Variants in DAB1 observed in about 807,000 individuals in gnomAD.
The protein encoded by DAB1 is disabled homolog 1.
Under a neutral mutation model 64.6 loss-of-function variants are expected in DAB1, and 15 were observed. That is an observed-to-expected ratio of 0.23 (90% CI 0.16 to 0.36). DAB1 has a LOEUF of 0.36. DAB1 is among the 10% of genes least tolerant of loss of function. The pLI is 1.00. For synonymous variants in DAB1, 235 were observed against 251.9 expected, an observed-to-expected ratio of 0.93 and a Z score of 0.64; for missense variants, 596 against 706.7, an observed-to-expected ratio of 0.84 and a Z score of 1.78.
chr1:58,184,306 T>C (rs1009822214), intron 4 of DAB1, among the ~76,000 whole-genome samples: 5 of 148,350 alleles, frequency 3.4e-5, no homozygotes, highest in Admixed American at 1.4e-4. Context: ...CATAATAATA[T>C]ATATTAATAA....
intron 6 of DAB1, among the ~76,000 whole-genome samples, chr1:57,786,917 C>A (rs529783374): frequency 1.3e-5 from 2 of 151,942 alleles, no homozygotes; most frequent in Non-Finnish European, 2.9e-5. Context: ...TAATCCCTCA[C>A]AATAGCATTA....
chr1:58,047,803 G>A (rs895746277), intron 5 of DAB1: 7 of 224,292 alleles, frequency 3.1e-5, no homozygotes, highest in African/African-American at 9.3e-5. Flanking sequence ...CTGTTTATCC[G>A]GCATCCAAGA....
chr1:57,671,634 T>A (rs1646511692), intron 6 of DAB1, among the ~76,000 whole-genome samples: 1 of 152,074 alleles, frequency 6.6e-6, no homozygotes, highest in Non-Finnish European at 1.5e-5. Context: ...TCGAATCACA[T>A]ACCCTATAAG....
At chr1:58,283,209 C>A (rs1233052729) in intron 4 of DAB1, among the ~76,000 whole-genome samples, 1 of 151,300 alleles carries the variant, frequency 6.6e-6, no homozygotes, top group South Asian at 2.1e-4. Flanking sequence ...TCTGTCAGTG[C>A]GCATATGGGT....
intron 1 of DAB1, among the ~76,000 whole-genome samples, chr1:57,364,367 G>A (rs952211282): frequency 6.6e-6 from 1 of 152,122 alleles, no homozygotes; most frequent in African/African-American, 2.4e-5. Context: ...TGTCAGACAT[G>A]TGGTCTAGTC....
chr1:57,020,500 T>A (rs980681122), intron 11 of DAB1, among the ~76,000 whole-genome samples: 6 of 151,404 alleles, frequency 4.0e-5, no homozygotes, highest in African/African-American at 1.4e-4. Context: ...GCAGAGCTTG[T>A]GTTCATACAT....
intron 5 of DAB1, among the ~76,000 whole-genome samples, chr1:58,090,294 A>G (rs1025089008): frequency 5.3e-5 from 8 of 152,112 alleles, no homozygotes; most frequent in African/African-American, 1.9e-4. Context: ...CACTCTATCA[A>G]CAAGTCTTGG....
chr1:58,301,234 A>G (rs59915141), intron 4 of DAB1, among the ~76,000 whole-genome samples: 18,219 of 50,720 alleles, frequency 0.36, 2,125 homozygotes, highest in African/African-American at 0.5. Flanking sequence ...GGGGGTGGAG[A>G]GGGGGGGGTC....
At chr1:57,591,617 G>T (rs1645446468) in intron 7 of DAB1, among the ~76,000 whole-genome samples, 1 of 152,242 alleles carries the variant, frequency 6.6e-6, no homozygotes. Context: ...GACTTTGTCA[G>T]CCTCAGTTTC....
At chr1:58,252,588 C>T (rs1258636611) in intron 4 of DAB1, among the ~76,000 whole-genome samples, 1 of 152,144 alleles carries the variant, frequency 6.6e-6, no homozygotes, top group African/African-American at 2.4e-5. Flanking sequence ...TTTCTGATAT[C>T]AGTATAGTGT....
At chr1:57,513,419 AT>A (rs1466546656) in intron 7 of DAB1, among the ~76,000 whole-genome samples, 6 of 152,106 alleles carry the variant, frequency 3.9e-5, no homozygotes, top group Admixed American at 2.6e-4. Flanking sequence ...TCCACCTCTC[AT>A]TCATATCTTT....
rs559650088 is a variant in DAB1 at position 58,382,431 on chromosome 1, A to G, written n.258-39028T>C. ...ACATGGACTAATCTGCAAAAATGAA[A>G]CTACTCAAAGCCAACCCAGATGTCT... On this transcript the variant is annotated intron_variant and non_coding_transcript_variant, in intron 3 of 20. Coordinates refer to the DAB1 transcript ENST00000485760. Among the ~76,000 whole-genome samples the G allele has an allele frequency of 3.9e-5, 6 of 152,308 alleles. No individual in the cohort carries two copies. In the East Asian group the frequency reaches 1.2e-3, roughly 29 times the overall value.
chr1:57,773,704 T>C (rs1649667692), intron 6 of DAB1, among the ~76,000 whole-genome samples: 1 of 152,022 alleles, frequency 6.6e-6, no homozygotes. Context: ...GAGGGTCTAG[T>C]ACTTTTCTTT....
intron 4 of DAB1, among the ~76,000 whole-genome samples, chr1:58,303,162 C>G (rs187959260): frequency 6.6e-6 from 1 of 152,278 alleles, no homozygotes; most frequent in African/African-American, 2.4e-5. Flanking sequence ...CCTCTGTGAT[C>G]CAACCTCCTT....
chr1:58,021,533 T>A (rs1207356000), intron 5 of DAB1, among the ~76,000 whole-genome samples: 1 of 152,154 alleles, frequency 6.6e-6, no homozygotes, highest in East Asian at 1.9e-4. Context: ...AATAAGGGAA[T>A]TCCTACTAAT....
intron 6 of DAB1, among the ~76,000 whole-genome samples, chr1:57,760,759 A>C (rs1330474851): frequency 6.6e-6 from 1 of 152,114 alleles, no homozygotes; most frequent in African/African-American, 2.4e-5. Context: ...AATATCTCTC[A>C]TCCTTCTTAG....
At chr1:57,680,396 T>C (rs951953506) in intron 6 of DAB1, among the ~76,000 whole-genome samples, 5 of 152,244 alleles carry the variant, frequency 3.3e-5, no homozygotes, top group Admixed American at 2.6e-4. Context: ...CAGGTCTCAC[T>C]GGGCTAAAAT....
intron 2 of DAB1, among the ~76,000 whole-genome samples, chr1:57,163,606 A>G (rs565943783): frequency 6.6e-6 from 1 of 152,168 alleles, no homozygotes; most frequent in Non-Finnish European, 1.5e-5. Context: ...CATGACTCAC[A>G]TTTTGTAAAG....
intron 7 of DAB1, among the ~76,000 whole-genome samples, chr1:57,553,386 G>GAT (rs1553193728): frequency 1.4e-4 from 2 of 14,564 alleles, no homozygotes; most frequent in African/African-American, 2.6e-4. Flanking sequence ...GGAAGAAAGA[G>GAT]AAAGAAAGAA....
Sources: gnomAD v4.1 joint callset for allele counts (sites outside exome capture counted in the v4.1 genomes callset) on GRCh38, gnomAD v4.1.1 for gene constraint, MANE v1.5 for transcripts, NCBI Gene and HGNC (gene_info 2026-07-23, HGNC 2026-07-21) for gene names.